TOPAZ1: variants seen among roughly 807,000 people sequenced by gnomAD.
TOPAZ1 encodes testis and ovary specific TOPAZ 1.
TOPAZ1 carries 66 observed loss-of-function variants against 172.2 expected under a neutral mutation model. The observed-to-expected ratio is 0.38, with a 90% CI of 0.31 to 0.47. The LOEUF is 0.47. Among genes scored for constraint, TOPAZ1 ranks in the 20% least tolerant of loss-of-function variants. TOPAZ1 has a pLI of 0.99. For missense variants in TOPAZ1, 1,822 were observed against 1,972.4 expected, an observed-to-expected ratio of 0.92 and a Z score of 1.44; for synonymous variants, 681 against 683.9, an observed-to-expected ratio of 1.00 and a Z score of 0.07.
Position 44,244,390 on chromosome 3 carries a change from TAAA to T in TOPAZ1, c.1891_1893del (p.Lys631del). On this transcript the variant is annotated inframe_deletion, in exon 2 of 20. Transcript: ENST00000309765. ...GTGAGACTCAAAGCTTAACGGGAAA[TAAA>T]AAAAAAGCTAGAGGAAATTTAACGA... 20 of 1,543,750 alleles carry T rather than the reference TAAA, an allele frequency of 1.3e-5. No homozygotes were observed. The highest frequency in any genetic ancestry group is 1.8e-5 in the Non-Finnish European group (20 of 1,142,608).
chr3:44,254,904 A>C, intron 2 of TOPAZ1, 64 bp from the exon 3 acceptor site: 1 of 1,201,156 alleles, frequency 8.3e-7, no homozygotes, highest in Non-Finnish European at 1.2e-6. Context: ...ATTAATGTTT[A>C]GAGAAGTGGA....
chr3:44,276,991 C>T (rs979360541), intron 8 of TOPAZ1, among the ~76,000 whole-genome samples: 2 of 152,034 alleles, frequency 1.3e-5, no homozygotes, highest in Admixed American at 6.6e-5. Flanking sequence ...CGGGATTTCA[C>T]CATGTTGGCC....
intron 9 of TOPAZ1, among the ~76,000 whole-genome samples, chr3:44,286,808 A>G (rs1300329574): frequency 6.6e-6 from 1 of 152,246 alleles, no homozygotes. Context: ...ACATCATGTT[A>G]CATAGAAAAT....
chr3:44,258,641 T>C (rs1251532806), intron 4 of TOPAZ1, among the ~76,000 whole-genome samples: 1 of 152,160 alleles, frequency 6.6e-6, no homozygotes, highest in Non-Finnish European at 1.5e-5. Context: ...CATATATCGG[T>C]AGTTCATTCA....
chr3:44,290,211 A>AAG (rs1490939671), intron 11 of TOPAZ1, among the ~76,000 whole-genome samples: 1 of 152,204 alleles, frequency 6.6e-6, no homozygotes, highest in Non-Finnish European at 1.5e-5. Flanking sequence ...TTCTCACACT[A>AAG]GAAGTGTCCA....
chr3:44,317,694 A>G (rs1436868820), intron 16 of TOPAZ1, among the ~76,000 whole-genome samples: 1 of 152,236 alleles, frequency 6.6e-6, no homozygotes, highest in African/African-American at 2.4e-5. Context: ...GATTTTAGAC[A>G]AATAGAAAAT....
intron 18 of TOPAZ1, among the ~76,000 whole-genome samples, chr3:44,325,988 T>C (rs1381151100): frequency 1.3e-5 from 2 of 152,208 alleles, no homozygotes; most frequent in African/African-American, 4.8e-5. Flanking sequence ...AATTTCAGTG[T>C]TGTAGCATGT....
intron 16 of TOPAZ1, among the ~76,000 whole-genome samples, chr3:44,315,219 G>A (rs968422752): frequency 8.3e-6 from 1 of 120,302 alleles, no homozygotes; most frequent in Non-Finnish European, 1.8e-5. Flanking sequence ...GTGTGTGTGT[G>A]TGTGTGTGTT....
intron 12 of TOPAZ1, among the ~76,000 whole-genome samples, chr3:44,292,131 T>C (rs140406969): frequency 2.2e-4 from 33 of 152,328 alleles, no homozygotes; most frequent in Non-Finnish European, 4.4e-4. Context: ...CAGCTCTAAA[T>C]AGTACTTCTT....
At chr3:44,265,577 A>G (rs938427264) in intron 5 of TOPAZ1, among the ~76,000 whole-genome samples, 1 of 152,224 alleles carries the variant, frequency 6.6e-6, no homozygotes, top group African/African-American at 2.4e-5. Flanking sequence ...ACAGAAAAAA[A>G]CCAAAATATT....
At chr3:44,269,348 C>CCCTCCT (rs936914820) in intron 7 of TOPAZ1, 47 bp downstream of exon 7, 1 of 1,098,220 alleles carries the variant, frequency 9.1e-7, no homozygotes, top group African/African-American at 1.6e-5. Context: ...TTTCTCCTCC[C>CCCTCCT]CCTCCTCCTC....
chr3:44,334,662 G>T (rs959410513), downstream of TOPAZ1, among the ~76,000 whole-genome samples: 1 of 152,182 alleles, frequency 6.6e-6, no homozygotes. Context: ...GAGAAACCAG[G>T]TGATTTTTGG....
chr3:44,302,737 T>C (rs1190244602), intron 12 of TOPAZ1, among the ~76,000 whole-genome samples: 1 of 152,244 alleles, frequency 6.6e-6, no homozygotes, highest in Non-Finnish European at 1.5e-5. Context: ...AGGAGTGTTT[T>C]ATAATTTTCT....
chr3:44,269,501 T>TTTTTTTTTTTTTTTTTTTC, intron 7 of TOPAZ1, among the ~76,000 whole-genome samples, 200 bp downstream of exon 7: 1 of 107,396 alleles, frequency 9.3e-6, no homozygotes, highest in African/African-American at 3.3e-5. Flanking sequence ...TTTTTTTTTT[T>TTTTTTTTTTTTTTTTTTTC]TGAGACGGAG....
downstream of TOPAZ1, among the ~76,000 whole-genome samples, chr3:44,333,252 G>A (rs1020893580): frequency 1.4e-4 from 22 of 152,132 alleles, no homozygotes; most frequent in South Asian, 2.1e-4. Flanking sequence ...GATTACTATC[G>A]ATGAAATGTA....
chr3:44,243,333 G>GT lies in TOPAZ1; in HGVS notation c.828dup (p.Ile277TyrfsTer16). 1 of 1,551,284 alleles carries GT rather than the reference G, an allele frequency of 6.4e-7. No homozygotes were observed. Among genetic ancestry groups the GT allele is most frequent in the Non-Finnish European group, 8.7e-7 (1 of 1,146,872 alleles). The stretch of plus-strand genomic sequence containing the variant: ...CTTGCAGAGAAGAGTGACACAAATA[G>GT]TATTCCTCAGCTCTTACAAACAGAA... On this transcript the variant is annotated frameshift_variant, in exon 2 of 20. Coordinates refer to ENST00000309765, the MANE Select transcript of TOPAZ1 (RefSeq NM_001145030.2). LOFTEE classifies it high-confidence loss of function.
At chr3:44,245,530 CTTTTTTTTTT>C (rs531158571) in intron 2 of TOPAZ1, among the ~76,000 whole-genome samples, 3 of 83,010 alleles carry the variant, frequency 3.6e-5, no homozygotes, top group African/African-American at 1.0e-4. Flanking sequence ...CATAGAGTGG[CTTTTTTTTTT>C]TTTTTTTTTT....
chr3:44,312,278 TCC>T (rs1700405345), intron 16 of TOPAZ1, among the ~76,000 whole-genome samples: 2 of 147,154 alleles, frequency 1.4e-5, no homozygotes, highest in South Asian at 4.3e-4. Context: ...GTTGCTACCA[TCC>T]GAATAAGAAT....
At position 44,256,262 on chromosome 3, in the gene TOPAZ1, C is replaced by T; in HGVS notation, c.2939C>T (p.Ser980Leu). 6.6e-7 allele frequency: 1 copy of T among 1,521,700 alleles called. No individual in the cohort carries two copies. The highest frequency in any genetic ancestry group is 1.4e-5 in the African/African-American group (1 of 70,934). 94.3% of individuals were successfully genotyped at this position (1,521,700 alleles called of 1,614,324 possible). The change falls in exon 4 of 20, where the codon TCA becomes TTA. Residue 980 changes from serine to leucine, a missense_variant. This residue lies in a region of TOPAZ1 where 1,489 missense variants were observed against 1,490.8 expected (regional missense o/e 1.00). Coordinates refer to ENST00000309765, the MANE Select transcript of TOPAZ1 (RefSeq NM_001145030.2). ...GACTTCAGTGAACAAATAAAAGGTT[C>T]AGACTTGGATGAAAAGGTACTAGGG... ...LGDFSEQIKG[S>L]DLDEKHRFTD...
Sources: allele counts gnomAD v4.1 joint callset (sites outside exome capture counted in the v4.1 genomes callset), GRCh38; gene constraint gnomAD v4.1.1; regional missense constraint gnomAD v4.1.1; transcripts MANE v1.5; gene names NCBI Gene and HGNC (gene_info 2026-07-23, HGNC 2026-07-21).